ZC3HAV1: variants seen among roughly 807,000 people sequenced by gnomAD.
ZC3HAV1 encodes the protein zinc finger CCCH-type containing, antiviral 1.
In ZC3HAV1, 41 loss-of-function variants were observed where a neutral mutation model predicts 86.6. The observed-to-expected ratio is 0.47, with a 90% CI of 0.37 to 0.61. The LOEUF (loss-of-function observed/expected upper bound fraction) is 0.61. ZC3HAV1 is among the 20% of genes least tolerant of loss of function. The probability of loss-of-function intolerance (pLI) is 0.00; values close to 1 mark genes in which losing one functional copy is unlikely to be tolerated. For missense variants in ZC3HAV1, 964 were observed against 1,141.1 expected (o/e 0.84, Z 2.24); for synonymous variants, 421 against 432.1 (o/e 0.97, Z 0.32).
At chr7:139,092,667 G>T (rs1474570359) in intron 1 of ZC3HAV1, among the ~76,000 whole-genome samples, 2 of 152,220 alleles carry the variant, frequency 1.3e-5, no homozygotes, top group African/African-American at 4.8e-5. Flanking sequence ...TGGAACCTCA[G>T]GTGTCCAGGC....
At chr7:139,089,521 C>G (rs975284821) in intron 2 of ZC3HAV1, 103 bp downstream of exon 2, 9 of 1,399,832 alleles carry the variant, frequency 6.4e-6, no homozygotes, top group African/African-American at 5.9e-5. Context: ...CCTGCAGAAC[C>G]CTGGCATTAA....
At chr7:139,073,141 CA>C (rs1373831880) in intron 7 of ZC3HAV1, among the ~76,000 whole-genome samples, 1 of 151,842 alleles carries the variant, frequency 6.6e-6, no homozygotes, top group African/African-American at 2.4e-5. Context: ...ACTAAAAATA[CA>C]AAAATTAGCT....
In ZC3HAV1 at chr7:139,079,400, A is replaced by T. The variant is rs752099532; in HGVS notation, c.1471+70T>A. On this transcript the variant is annotated intron_variant, in intron 4 of 12. Coordinates refer to ENST00000242351, the MANE Select transcript of ZC3HAV1 (RefSeq NM_020119.4). ...TTCTACATCAGTAGTTTTATCCACTACTTGACTAGAGCCATTTGGTATATC... is the reference window on the plus strand; with the variant it reads ...TTCTACATCAGTAGTTTTATCCACTTCTTGACTAGAGCCATTTGGTATATC... The T allele has an allele frequency of 3.1e-6, 5 of 1,612,150 alleles. No individual in the cohort carries two copies. In the African/African-American group the frequency reaches 5.3e-5, roughly 17 times the overall value.
intron 1 of ZC3HAV1, among the ~76,000 whole-genome samples, chr7:139,103,064 G>C (rs1033692313): frequency 6.7e-6 from 1 of 150,314 alleles, no homozygotes; most frequent in Non-Finnish European, 1.5e-5. Context: ...TTTGGAGACA[G>C]AGCCACACTC....
intron 9 of ZC3HAV1, among the ~76,000 whole-genome samples, chr7:139,058,767 T>C (rs1233339272): frequency 6.6e-6 from 1 of 152,086 alleles, no homozygotes; most frequent in Non-Finnish European, 1.5e-5. Flanking sequence ...ACGAAGCAAC[T>C]CTGACATATG....
intron 2 of ZC3HAV1, among the ~76,000 whole-genome samples, chr7:139,085,871 G>C (rs565654843): frequency 6.6e-6 from 1 of 152,012 alleles, no homozygotes; most frequent in Admixed American, 6.6e-5. Context: ...AAAATTATCC[G>C]GGTGTGGTGG....
At chr7:139,101,693 G>T (rs542264358) in intron 1 of ZC3HAV1, among the ~76,000 whole-genome samples, 15 of 151,102 alleles carry the variant, frequency 9.9e-5, no homozygotes, top group African/African-American at 3.7e-4. Flanking sequence ...GGATGCTGTT[G>T]ATCTATGACC....
At chr7:139,098,578 G>A (rs1192633022) in intron 1 of ZC3HAV1, among the ~76,000 whole-genome samples, 1 of 152,070 alleles carries the variant, frequency 6.6e-6, no homozygotes, top group Admixed American at 6.6e-5. Flanking sequence ...GGGGCAGGAG[G>A]GTGGCTTGAG....
In ZC3HAV1 at chr7:139,109,080, G is replaced by A. The variant is rs745887715; in HGVS notation, c.252C>T (p.Asn84=). The change falls in exon 1 of 13, where the codon AAC becomes AAT. Residue 84 remains asparagine, a synonymous_variant. Coordinates refer to ENST00000242351, the MANE Select transcript of ZC3HAV1 (RefSeq NM_020119.4). ...RRKYCQRPCD[N]LHLCKLNLLG... is the part of the protein sequence containing the mutation. ...GCAAGTTGAGTTTGCAGAGATGCAG[G>A]TTATCGCAGGGTCTCTGGCAGTACT... 1.6e-5 allele frequency: 26 copies of A among 1,591,926 alleles called. No individual in the cohort carries two copies. The East Asian group carries it at 5.9e-4, about 36-fold the overall frequency.
intron 7 of ZC3HAV1, among the ~76,000 whole-genome samples, chr7:139,070,050 T>G (rs548828347): frequency 6.6e-6 from 1 of 152,082 alleles, no homozygotes; most frequent in Non-Finnish European, 1.5e-5. Flanking sequence ...TTAATTTTAC[T>G]TGGACTCCCA....
chr7:139,089,260 T>G (rs1184638045), intron 2 of ZC3HAV1, among the ~76,000 whole-genome samples: 1 of 152,154 alleles, frequency 6.6e-6, no homozygotes, highest in African/African-American at 2.4e-5. Flanking sequence ...TTACAACAGC[T>G]TAGCCCATAC....
intron 9 of ZC3HAV1, among the ~76,000 whole-genome samples, chr7:139,055,674 G>T (rs1044463637): frequency 6.6e-6 from 1 of 152,324 alleles, no homozygotes; most frequent in Admixed American, 6.5e-5. Context: ...TTAGAGGAAA[G>T]AATTCTGCCT....
chr7:139,087,429 GA>G (rs1817301915), intron 2 of ZC3HAV1, among the ~76,000 whole-genome samples: 1 of 151,518 alleles, frequency 6.6e-6, no homozygotes, highest in African/African-American at 2.4e-5. Context: ...GAGAGAGAGA[GA>G]GAGAGGGAGA....
At chr7:139,095,058 A>G (rs1298879299) in intron 1 of ZC3HAV1, among the ~76,000 whole-genome samples, 1 of 149,644 alleles carries the variant, frequency 6.7e-6, no homozygotes, top group Non-Finnish European at 1.5e-5. Context: ...GCTCCCTAAC[A>G]CCTAATAGGG....
chr7:139,089,362 C>T (rs1817366302), intron 2 of ZC3HAV1, among the ~76,000 whole-genome samples: 1 of 152,140 alleles, frequency 6.6e-6, no homozygotes, highest in South Asian at 2.1e-4. Flanking sequence ...AGTCTGACTA[C>T]TATCAGATCT....
chr7:139,097,434 T>TTTATTTTTTTTTA (rs1554445030), intron 1 of ZC3HAV1, among the ~76,000 whole-genome samples: 12 of 105,804 alleles, frequency 1.1e-4, no homozygotes, highest in African/African-American at 5.0e-4. Context: ...ATATATTTTT[T>TTTATTTTTTTTTA]TTTTTTTTTT....
At position 139,109,085 on chromosome 7, in the gene ZC3HAV1, C is replaced by T. The variant is rs748037252; in HGVS notation, c.247G>A (p.Asp83Asn). Residue 83 changes from aspartate to asparagine, a missense_variant, in exon 1 of 13, where the codon GAT becomes AAT. Coordinates refer to ENST00000242351, the MANE Select transcript of ZC3HAV1 (RefSeq NM_020119.4). ...CRRKYCQRPC[D>N]NLHLCKLNLL... ...TTGAGTTTGCAGAGATGCAGGTTATCGCAGGGTCTCTGGCAGTACTTGCGA... is the reference window on the plus strand; with the variant it reads ...TTGAGTTTGCAGAGATGCAGGTTATTGCAGGGTCTCTGGCAGTACTTGCGA... 2 of 1,592,542 alleles carry T rather than the reference C, an allele frequency of 1.3e-6. No homozygotes were observed. The highest frequency in any genetic ancestry group is 1.7e-6 in the Non-Finnish European group (2 of 1,168,442).
rs567938546 is a variant in ZC3HAV1 at position 139,078,634 on chromosome 7, T to G, written c.1491A>C (p.Thr497=). The change falls in exon 5 of 13, where the codon ACA becomes ACC. Residue 497 remains threonine, a synonymous_variant. Transcript: ENST00000242351. The part of the protein sequence containing the change: ...ALVNDSLSDV[T]STTSSRVDDH... ...CATCCACCCTAGAAGATGTGGTACTTGTGACATCAGATAAAGAATCTATGA... is the reference window on the plus strand; with the variant it reads ...CATCCACCCTAGAAGATGTGGTACTGGTGACATCAGATAAAGAATCTATGA... 1 of 1,573,948 alleles carries G rather than the reference T, an allele frequency of 6.4e-7. No homozygotes were observed. The highest frequency in any genetic ancestry group is 2.3e-5 in the East Asian group (1 of 43,378).
intron 1 of ZC3HAV1, among the ~76,000 whole-genome samples, chr7:139,100,329 A>G (rs1190164505): frequency 3.3e-5 from 5 of 152,106 alleles, no homozygotes; most frequent in Non-Finnish European, 5.9e-5. Context: ...CAGGAGATCG[A>G]GACCACCCTA....
Sources: allele counts gnomAD v4.1 joint callset (sites outside exome capture counted in the v4.1 genomes callset), GRCh38; gene constraint gnomAD v4.1.1; transcripts MANE v1.5; gene names NCBI Gene and HGNC (gene_info 2026-07-23, HGNC 2026-07-21).